TTC23: variants seen among roughly 807,000 people sequenced by gnomAD.
The protein encoded by TTC23 is tetratricopeptide repeat domain 23.
In TTC23, 58 loss-of-function variants were observed where a neutral mutation model predicts 55.1. The ratio of observed to expected loss-of-function variants is 1.05; its 90% CI spans 0.85 to 1.31. TTC23 has a LOEUF of 1.31. TTC23 is among the 50% of genes most tolerant of loss of function. The pLI is 0.00. For synonymous variants in TTC23, 203 were observed against 199.9 expected, an observed-to-expected ratio of 1.02 and a Z score of -0.13; for missense variants, 516 against 534.4, an observed-to-expected ratio of 0.97 and a Z score of 0.34.
chr15:99,201,308 T>C (rs2076178664), intron 8 of TTC23, among the ~76,000 whole-genome samples: 1 of 152,202 alleles, frequency 6.6e-6, no homozygotes, highest in Non-Finnish European at 1.5e-5. Flanking sequence ...TTAAAAATAA[T>C]CTTCTCCAGC....
At chr15:99,153,825 A>C (rs992585032) in intron 12 of TTC23, among the ~76,000 whole-genome samples, 8 of 152,140 alleles carry the variant, frequency 5.3e-5, no homozygotes, top group African/African-American at 1.4e-4. Context: ...TCTTTGAAAA[A>C]ATTAACACAA....
chr15:99,187,978 A>G (rs1475715852), intron 9 of TTC23, among the ~76,000 whole-genome samples: 1 of 152,046 alleles, frequency 6.6e-6, no homozygotes, highest in Non-Finnish European at 1.5e-5. Context: ...TGATTCAGCA[A>G]TTCCACTTAT....
chr15:99,199,954 C>T lies in TTC23; in HGVS notation c.724G>A (p.Gly242Arg). Residue 242 changes from glycine to arginine, a missense_variant, in exon 9 of 14, where the codon GGA becomes AGA. Physicochemically the swap from Gly to Arg is moderately radical, Grantham distance 125. Coordinates refer to ENST00000394132, the MANE Select transcript of TTC23 (RefSeq NM_001288615.3). ...TGGTTGATGGATACATCGTGGAGTC[C>T]CAGGGCTTGCTCTACACCTGCTAAT... Reference protein sequence around the residue: ...RELAGVEQALGLHDVSINHFL... With the variant: ...RELAGVEQALRLHDVSINHFL... 2 of 1,613,258 alleles carry T rather than the reference C, an allele frequency of 1.2e-6. No homozygotes were observed. Among genetic ancestry groups the T allele is most frequent in the Non-Finnish European group, 1.7e-6 (2 of 1,179,676 alleles).
At chr15:99,208,859 T>C (rs1186130287) in intron 8 of TTC23, among the ~76,000 whole-genome samples, 1 of 152,232 alleles carries the variant, frequency 6.6e-6, no homozygotes, top group African/African-American at 2.4e-5. Context: ...CATTTTCTTA[T>C]GTGTAATGTT....
At chr15:99,141,893 G>A (rs1214837588) in intron 12 of TTC23, among the ~76,000 whole-genome samples, 1 of 152,070 alleles carries the variant, frequency 6.6e-6, no homozygotes, top group Non-Finnish European at 1.5e-5. Flanking sequence ...ACAATATCAA[G>A]AAGTAGTAAA....
intron 11 of TTC23, among the ~76,000 whole-genome samples, chr15:99,161,382 T>C (rs2071360523): frequency 6.6e-6 from 1 of 152,160 alleles, no homozygotes; most frequent in Non-Finnish European, 1.5e-5. Context: ...TAGTTTTCCT[T>C]AGACATGCAA....
rs2067689426 is a variant in TTC23 at position 99,137,552 on chromosome 15, C to G, written c.*458G>C. On this transcript the variant is annotated 3_prime_UTR_variant, in exon 14 of 14. Transcript: ENST00000394132. Reference sequence around the variant, plus strand: ...CTGACAGCAGCGTGTTCAGGTTTCCCTTTATTAGCGTTTTCTTCTCATGTT... The same window carrying G: ...CTGACAGCAGCGTGTTCAGGTTTCCGTTTATTAGCGTTTTCTTCTCATGTT... 1 of 153,244 alleles carries G rather than the reference C, an allele frequency of 6.5e-6. No individual in the cohort carries two copies. The highest frequency in any genetic ancestry group is 6.5e-5 in the Admixed American group (1 of 15,432). 9.5% of individuals were successfully genotyped at this position (153,244 alleles called of 1,614,324 possible). A position where few individuals can be genotyped will look rare whatever the true frequency, so the allele number is the denominator to read the frequency against.
At chr15:99,185,826 T>C (rs1490430839) in intron 9 of TTC23, among the ~76,000 whole-genome samples, 1 of 152,256 alleles carries the variant, frequency 6.6e-6, no homozygotes, top group Non-Finnish European at 1.5e-5. Context: ...CTGGAACTGC[T>C]GCCTTCCTTG....
At chr15:99,232,969 C>T (rs959500639) in intron 4 of TTC23, among the ~76,000 whole-genome samples, 1 of 152,118 alleles carries the variant, frequency 6.6e-6, no homozygotes, top group African/African-American at 2.4e-5. Context: ...AAAAGAAGGG[C>T]ATCCTGTCAT....
intron 10 of TTC23, among the ~76,000 whole-genome samples, chr15:99,172,893 A>G (rs566527488): frequency 2.6e-5 from 4 of 152,336 alleles, no homozygotes; most frequent in South Asian, 2.1e-4. Flanking sequence ...TTAAAAATAT[A>G]TAACTAAAAT....
chr15:99,189,036 T>C (rs1199960631), intron 9 of TTC23, among the ~76,000 whole-genome samples: 2 of 146,458 alleles, frequency 1.4e-5, no homozygotes, highest in East Asian at 3.9e-4. Context: ...ACTCCAACAA[T>C]AAAAAAATAA....
chr15:99,219,688 G>A (rs1374752099), intron 6 of TTC23, among the ~76,000 whole-genome samples: 1 of 151,988 alleles, frequency 6.6e-6, no homozygotes, highest in Admixed American at 6.6e-5. Context: ...GTTCCTCCAC[G>A]GGCTTGTTAA....
chr15:99,238,386 A>G (rs151094232), intron 3 of TTC23, among the ~76,000 whole-genome samples: 3,696 of 152,252 alleles, frequency 0.024, 119 homozygotes, highest in South Asian at 0.071. Context: ...TGGAGCAGGA[A>G]AAAAGATCAG....
chr15:99,139,642 A>T lies in TTC23; in HGVS notation c.1144-243T>A. On this transcript the variant is annotated intron_variant, in intron 12 of 13. Coordinates refer to ENST00000394132, the MANE Select transcript of TTC23 (RefSeq NM_001288615.3). ...TCTCTGTGACTATCTGTATGCAAAA[A>T]ATAGATTTAAAAGTAGTATTTTTAA... The T allele has an allele frequency of 2.0e-6, 3 of 1,481,616 alleles. No individual in the cohort carries two copies. The South Asian group carries it at 3.7e-5, about 18-fold the overall frequency. 91.8% of individuals were successfully genotyped at this position (1,481,616 alleles called of 1,614,324 possible).
chr15:99,245,820 C>CTT (rs57795170), intron 1 of TTC23, among the ~76,000 whole-genome samples: 1,539 of 141,022 alleles, frequency 0.011, 30 homozygotes, highest in African/African-American at 0.034. Flanking sequence ...TCTTCATGAA[C>CTT]TTTTTTTTTT....
intron 9 of TTC23, among the ~76,000 whole-genome samples, chr15:99,184,635 T>C (rs1289463068): frequency 6.6e-6 from 1 of 152,208 alleles, no homozygotes; most frequent in African/African-American, 2.4e-5. Flanking sequence ...AGTAACTAAC[T>C]TGCTTTTGAT....
rs867263861 is a variant in TTC23 at position 99,237,993 on chromosome 15, T to C, written c.-113-2913A>G. ...ATTATTATTATTTTTTGAGACGGAG[T>C]CTCACTCTGTCACCCAGGCTGGAGT... On this transcript the variant is annotated intron_variant, in intron 3 of 13. Transcript: ENST00000394132. Among the ~76,000 whole-genome samples, 8 of 152,264 alleles carry C rather than the reference T, an allele frequency of 5.3e-5. No homozygotes were observed. In the South Asian group the frequency reaches 1.2e-3, roughly 24 times the overall value.
chr15:99,148,802 C>T (rs1703761), intron 12 of TTC23: 104,268 of 152,136 alleles, frequency 0.69, 35,971 homozygotes, highest in Middle Eastern at 0.78. Flanking sequence ...GAAATTTCCA[C>T]CTGGAGCCAA....
chr15:99,236,145 G>A (rs1344447601), intron 3 of TTC23, among the ~76,000 whole-genome samples: 1 of 152,068 alleles, frequency 6.6e-6, no homozygotes, highest in Non-Finnish European at 1.5e-5. Flanking sequence ...TTTTTGGGAG[G>A]TACATGCCCA....
Sources: allele counts gnomAD v4.1 joint callset (sites outside exome capture counted in the v4.1 genomes callset), GRCh38; gene constraint gnomAD v4.1.1; transcripts MANE v1.5; gene names NCBI Gene and HGNC (gene_info 2026-07-23, HGNC 2026-07-21).